The following COL22A1 variants were observed in gnomAD, a reference collection of about 807,000 sequenced individuals.
The protein encoded by COL22A1 is collagen alpha-1(XXII) chain.
Under a neutral mutation model 248.9 loss-of-function variants are expected in COL22A1, and 221 were observed. That is an observed-to-expected ratio of 0.89 (90% CI 0.80 to 0.99). The LOEUF (loss-of-function observed/expected upper bound fraction) is 0.99. Ranked by LOEUF, COL22A1 falls within the 50% of genes least tolerant of loss-of-function variation. The pLI is 0.00. For synonymous variants in COL22A1, 891 were observed against 793.4 expected, an observed-to-expected ratio of 1.12 and a Z score of -2.07; for missense variants, 2,240 against 2,179.0, an observed-to-expected ratio of 1.03 and a Z score of -0.56.
chr8:138,594,570 G>A (rs1185172241), intron 62 of COL22A1, among the ~76,000 whole-genome samples: 1 of 152,110 alleles, frequency 6.6e-6, no homozygotes, highest in African/African-American at 2.4e-5. Flanking sequence ...TCTCAGCCTT[G>A]GTGTCCCTTT....
intron 60 of COL22A1, 115 bp from the exon 61 acceptor site, chr8:138,599,013 G>T: frequency 1.9e-6 from 2 of 1,042,276 alleles, no homozygotes; most frequent in Non-Finnish European, 2.9e-6. Flanking sequence ...GGAGACCTTG[G>T]CCCTGGGTGG....
In COL22A1 at chr8:138,832,130, G is replaced by A. The variant is rs189175498; in HGVS notation, c.845+909C>T. On this transcript the variant is annotated intron_variant, in intron 5 of 64. Transcript: ENST00000303045. Reference sequence around the variant, plus strand: ...GACAGTTTATAAATGCCATGGCAACGTCAGGAAGTTACCCTATATAGTCCA... The same window carrying A: ...GACAGTTTATAAATGCCATGGCAACATCAGGAAGTTACCCTATATAGTCCA... 5.3e-5 allele frequency among the ~76,000 whole-genome samples: 8 copies of A among 152,238 alleles called. No individual in the cohort carries two copies. The East Asian group carries it at 5.8e-4, about 11-fold the overall frequency.
At chr8:138,770,263 A>G (rs1563739453) in intron 16 of COL22A1, among the ~76,000 whole-genome samples, 1 of 152,212 alleles carries the variant, frequency 6.6e-6, no homozygotes, top group Non-Finnish European at 1.5e-5. Flanking sequence ...AGGTGGAAAC[A>G]GGGCCCTCAA....
chr8:138,590,548 G>A (rs77743052), intron 64 of COL22A1, among the ~76,000 whole-genome samples: 8,048 of 152,082 alleles, frequency 0.053, 305 homozygotes, highest in South Asian at 0.15. Flanking sequence ...TATTAATAAT[G>A]TATTTCTAAT....
At chr8:138,742,710 T>C (rs987457211) in intron 22 of COL22A1, among the ~76,000 whole-genome samples, 15 of 150,872 alleles carry the variant, frequency 9.9e-5, no homozygotes, top group Admixed American at 2.6e-4. Context: ...GTGATGATGA[T>C]GGTAGAGTTG....
chr8:138,912,061 A>G (rs1206747886), intron 1 of COL22A1, among the ~76,000 whole-genome samples: 1 of 152,172 alleles, frequency 6.6e-6, no homozygotes, highest in Non-Finnish European at 1.5e-5. Context: ...ACTAAGATAT[A>G]TTGCATGCTC....
At chr8:138,874,058 A>T (rs1225485187) in intron 3 of COL22A1, among the ~76,000 whole-genome samples, 1 of 152,190 alleles carries the variant, frequency 6.6e-6, no homozygotes, top group Non-Finnish European at 1.5e-5. Flanking sequence ...GCCTGATTCA[A>T]TCTCACTAGC....
intron 3 of COL22A1, among the ~76,000 whole-genome samples, chr8:138,857,639 A>G (rs1223945324): frequency 6.6e-6 from 1 of 152,212 alleles, no homozygotes; most frequent in Non-Finnish European, 1.5e-5. Flanking sequence ...AACCAAGAAA[A>G]GGGCAAAAGC....
At chr8:138,697,363 G>A (rs117338474) in intron 32 of COL22A1, among the ~76,000 whole-genome samples, 11 of 152,286 alleles carry the variant, frequency 7.2e-5, no homozygotes, top group Non-Finnish European at 1.3e-4. Flanking sequence ...CAGGCCGGTT[G>A]GACAGAGCCT....
At chr8:138,874,796 C>T (rs574106295) in intron 3 of COL22A1, among the ~76,000 whole-genome samples, 4 of 152,282 alleles carry the variant, frequency 2.6e-5, no homozygotes, top group Admixed American at 6.5e-5. Context: ...AGAGCAGATA[C>T]GGGGCAGGGG....
chr8:138,905,344 T>C (rs1814929313), intron 1 of COL22A1, among the ~76,000 whole-genome samples: 2 of 152,184 alleles, frequency 1.3e-5, no homozygotes. Context: ...ACTCACTACT[T>C]TGCAAGACGG....
At chr8:138,597,025 A>G (rs1587630469) in intron 61 of COL22A1, 55 bp from the exon 62 acceptor site, 1 of 1,492,312 alleles carries the variant, frequency 6.7e-7, no homozygotes. Flanking sequence ...CTGCCACCTA[A>G]GAACCCTGAG....
At chr8:138,602,752 C>T (rs1038171310) in intron 59 of COL22A1, among the ~76,000 whole-genome samples, 6 of 152,222 alleles carry the variant, frequency 3.9e-5, no homozygotes, top group Non-Finnish European at 5.9e-5. Context: ...GGACACGGCC[C>T]ACAGTGCCCA....
intron 7 of COL22A1, among the ~76,000 whole-genome samples, chr8:138,813,451 GTTC>G (rs1439556545): frequency 6.6e-6 from 1 of 152,090 alleles, no homozygotes; most frequent in African/African-American, 2.4e-5. Context: ...GATGTCTCTT[GTTC>G]TTCTGCCATG....
intron 45 of COL22A1, among the ~76,000 whole-genome samples, chr8:138,654,422 TAC>T (rs1380066729): frequency 6.6e-6 from 1 of 152,232 alleles, no homozygotes; most frequent in Non-Finnish European, 1.5e-5. Flanking sequence ...CATCTCAATT[TAC>T]AGTGAGATTG....
At chr8:138,627,142 A>T (rs1473493282) in intron 50 of COL22A1, among the ~76,000 whole-genome samples, 1 of 152,228 alleles carries the variant, frequency 6.6e-6, no homozygotes, top group Non-Finnish European at 1.5e-5. Context: ...CAACACCTAA[A>T]AACACATAAG....
At chr8:138,797,914 C>T (rs142644519) in intron 11 of COL22A1, among the ~76,000 whole-genome samples, 32 of 151,904 alleles carry the variant, frequency 2.1e-4, no homozygotes, top group African/African-American at 7.5e-4. Flanking sequence ...AAATGTCTCC[C>T]TTTATTGATT....
At chr8:138,789,143 G>C (rs1815811555) in intron 12 of COL22A1, among the ~76,000 whole-genome samples, 1 of 152,208 alleles carries the variant, frequency 6.6e-6, no homozygotes, top group African/African-American at 2.4e-5. Context: ...GGAGCTAGAG[G>C]AGAAATGCAG....
At position 138,598,776 on chromosome 8, in the gene COL22A1, C is replaced by T; in HGVS notation, c.4308G>A (p.Glu1436=). 2 of 1,614,132 alleles carry T rather than the reference C, an allele frequency of 1.2e-6. No homozygotes were observed. Among genetic ancestry groups the T allele is most frequent in the Admixed American group, 1.7e-5 (1 of 60,026 alleles). The change falls in exon 61 of 65, where the codon GAG becomes GAA. Residue 1436 remains glutamate (E), a synonymous_variant. Coordinates refer to ENST00000303045, the MANE Select transcript of COL22A1 (RefSeq NM_152888.3). ...GLMGPQGLPG[E]NGPVGPPGPP... is the part of the protein sequence containing the mutation. ...GCCCTGGGGGTCCAACTGGTCCATT[C>T]TCCCCAGGTAGTCCTTGGGGACCCA...
Sources: allele counts gnomAD v4.1 joint callset (sites outside exome capture counted in the v4.1 genomes callset), GRCh38; gene constraint gnomAD v4.1.1; transcripts MANE v1.5; gene names NCBI Gene and HGNC (gene_info 2026-07-23, HGNC 2026-07-21).